The following ZNF407 variants were observed in gnomAD, a reference collection of about 807,000 sequenced individuals.
ZNF407 encodes the protein zinc finger protein 407.
In ZNF407, 17 loss-of-function variants were observed where a neutral mutation model predicts 131.2. That is an observed-to-expected ratio of 0.13 (90% CI 0.09 to 0.19). The LOEUF (loss-of-function observed/expected upper bound fraction) is 0.19, where lower values mean the gene tolerates loss of function less well. ZNF407 is among the 10% of genes least tolerant of loss of function. ZNF407 has a pLI of 1.00. For synonymous variants in ZNF407, 1,156 were observed against 1,062.0 expected, an observed-to-expected ratio of 1.09 and a Z score of -1.72; for missense variants, 2,681 against 2,830.6, an observed-to-expected ratio of 0.95 and a Z score of 1.20.
intron 4 of ZNF407, among the ~76,000 whole-genome samples, chr18:74,839,601 A>G (rs934606206): frequency 2.6e-5 from 4 of 152,160 alleles, no homozygotes; most frequent in African/African-American, 9.7e-5. Flanking sequence ...AAACACCTGG[A>G]TTTGTGTTTG....
At chr18:75,055,494 A>T (rs551581031) in intron 8 of ZNF407, among the ~76,000 whole-genome samples, 1 of 152,242 alleles carries the variant, frequency 6.6e-6, no homozygotes, top group Non-Finnish European at 1.5e-5. Flanking sequence ...CACCTCTATT[A>T]CTGTTAGATC....
chr18:74,632,644 A>C lies in ZNF407; in HGVS notation c.1625A>C (p.Asp542Ala). The change falls in exon 2 of 9, where the codon GAT becomes GCT. Residue 542 changes from aspartate to alanine, a missense_variant. Physicochemically the swap from Asp to Ala is moderately radical, Grantham distance 126. This residue lies in a region of ZNF407 where 1,789 missense variants were observed against 1,748.7 expected (regional missense o/e 1.02). Transcript: ENST00000299687. Reference sequence around the variant, plus strand: ...GGGCAAGTAGCTACAAATAGGACAGATTTGGAAATCCATGTGAAAAGGTGC... The same window carrying C: ...GGGCAAGTAGCTACAAATAGGACAGCTTTGGAAATCCATGTGAAAAGGTGC... ...DCGQVATNRT[D>A]LEIHVKRCHA... 6.2e-7 allele frequency: 1 copy of C among 1,614,042 alleles called. No homozygotes were observed. Among genetic ancestry groups the C allele is most frequent in the Non-Finnish European group, 8.5e-7 (1 of 1,179,892 alleles).
intron 3 of ZNF407, among the ~76,000 whole-genome samples, chr18:74,705,744 G>A (rs377472772): frequency 1.3e-5 from 2 of 151,962 alleles, no homozygotes; most frequent in East Asian, 3.9e-4. Flanking sequence ...AACAAATACT[G>A]GACATTTTTG....
chr18:74,767,867 C>T (rs972102616), intron 3 of ZNF407, among the ~76,000 whole-genome samples: 5 of 146,078 alleles, frequency 3.4e-5, no homozygotes, highest in African/African-American at 1.0e-4. Flanking sequence ...GGGGTTTCAC[C>T]GTGTTTGCCA....
chr18:74,956,504 G>T (rs983596141), intron 8 of ZNF407, among the ~76,000 whole-genome samples: 14 of 152,066 alleles, frequency 9.2e-5, no homozygotes, highest in African/African-American at 2.7e-4. Flanking sequence ...TTTCTCCAAT[G>T]TCATGAGCTC....
At chr18:74,656,164 AT>A (rs1341136167) in intron 3 of ZNF407, among the ~76,000 whole-genome samples, 2 of 152,150 alleles carry the variant, frequency 1.3e-5, no homozygotes. Context: ...TTACTCACAC[AT>A]TTGTTAAAGG....
In ZNF407 at chr18:74,635,516, G is replaced by T. The variant is rs1304798224; in HGVS notation, c.4497G>T (p.Gln1499His). The change falls in exon 2 of 9, where the codon CAG (glutamine) becomes CAT (histidine). Residue 1499 changes from glutamine (Q) to histidine (H), a missense_variant. Gln to His is a conservative substitution (Grantham distance 24, BLOSUM62 0). Transcript: ENST00000299687. The surrounding 1 kb of genome is among the most constrained non-coding windows in gnomAD (Gnocchi z 4.7). Reference protein sequence around the residue: ...VKCTEPFDSEQNLFLHIKGQH... With the variant: ...VKCTEPFDSEHNLFLHIKGQH... ...GCACAGAGCCCTTTGATTCTGAACA[G>T]AATTTATTTTTACATATTAAAGGAC... is the stretch of plus-strand genomic sequence containing the variant. 1.2e-6 allele frequency: 2 copies of T among 1,612,386 alleles called. No individual in the cohort carries two copies. The highest frequency in any genetic ancestry group is 1.3e-5 in the African/African-American group (1 of 74,900).
intron 8 of ZNF407, among the ~76,000 whole-genome samples, chr18:75,044,391 G>A (rs1973409182): frequency 6.6e-6 from 1 of 151,396 alleles, no homozygotes. Flanking sequence ...ATGGAATAAG[G>A]TCTTTAGAAC....
Position 74,632,301 on chromosome 18 carries a change from C to A in ZNF407, c.1282C>A (p.Arg428Ser). ...TATTCTCGTGTTGGGTAATAGCTTT[C>A]GTCGACGAAGCAGCACTTTCACCTT... ...RNILVLGNSF[R>S]RRSSTFTLKG... Residue 428 changes from arginine (R) to serine (S), a missense_variant, in exon 2 of 9, where the codon CGT (arginine) becomes AGT (serine). Physicochemically the swap from Arg to Ser is moderately radical, Grantham distance 110. Coordinates refer to ENST00000299687, the MANE Select transcript of ZNF407 (RefSeq NM_017757.3). The A allele has an allele frequency of 3.1e-6, 5 of 1,613,938 alleles. No individual in the cohort carries two copies. The highest frequency in any genetic ancestry group is 4.2e-6 in the Non-Finnish European group (5 of 1,179,902).
chr18:74,907,279 TCTC>T (rs1971609189), intron 7 of ZNF407, among the ~76,000 whole-genome samples: 1 of 152,174 alleles, frequency 6.6e-6, no homozygotes, highest in Admixed American at 6.5e-5. Flanking sequence ...CTGTCGCTCC[TCTC>T]CTCAGTTTAT....
chr18:74,806,770 C>A (rs1411938133), intron 4 of ZNF407, among the ~76,000 whole-genome samples: 1 of 152,190 alleles, frequency 6.6e-6, no homozygotes, highest in Admixed American at 6.5e-5. Context: ...AGGAATAATA[C>A]TCCCTTTAGA....
At chr18:74,642,057 G>A (rs933499982) in intron 3 of ZNF407, among the ~76,000 whole-genome samples, 5 of 151,706 alleles carry the variant, frequency 3.3e-5, no homozygotes, top group African/African-American at 7.3e-5. Context: ...CTGATTGATA[G>A]TACCATGTAA....
chr18:75,053,130 T>C (rs1368523547), intron 8 of ZNF407, among the ~76,000 whole-genome samples: 2 of 152,192 alleles, frequency 1.3e-5, no homozygotes, highest in African/African-American at 2.4e-5. Flanking sequence ...AAAAATCTAC[T>C]GTGGAAATTT....
rs1449596021 is a variant in ZNF407, at chr18:74,634,292, C to T, written c.3273C>T (p.Ser1091=). Residue 1091 remains serine (S), a synonymous_variant, in exon 2 of 9, where the codon TCC becomes TCT. Transcript: ENST00000299687. ...TAGAAGCTGGTTCTGCAGACATGTCCAAAAACATCATTATGCCTGAAGAAG... is the reference window on the plus strand; with the variant it reads ...TAGAAGCTGGTTCTGCAGACATGTCTAAAAACATCATTATGCCTGAAGAAG... The part of the protein sequence containing the change: ...ANVEAGSADM[S]KNIIMPEEEH... The T allele has an allele frequency of 1.2e-6, 2 of 1,613,952 alleles. No homozygotes were observed. Among genetic ancestry groups the T allele is most frequent in the South Asian group, 1.1e-5 (1 of 91,078 alleles).
intron 8 of ZNF407, among the ~76,000 whole-genome samples, chr18:74,999,819 C>T (rs1357563859): frequency 1.3e-5 from 2 of 152,126 alleles, no homozygotes; most frequent in Non-Finnish European, 2.9e-5. Flanking sequence ...CTTTATTTTG[C>T]AACTTTAATT....
chr18:74,938,223 A>G (rs930180980), intron 8 of ZNF407, among the ~76,000 whole-genome samples: 9 of 152,062 alleles, frequency 5.9e-5, no homozygotes, highest in Non-Finnish European at 1.0e-4. Flanking sequence ...GTCTTTCCAC[A>G]TATTAGGGTG....
intron 3 of ZNF407, among the ~76,000 whole-genome samples, chr18:74,661,838 T>C (rs1166963514): frequency 6.6e-6 from 1 of 152,218 alleles, no homozygotes; most frequent in Non-Finnish European, 1.5e-5. Flanking sequence ...TAAATTTGGC[T>C]GAGAGTGCTG....
intron 4 of ZNF407, among the ~76,000 whole-genome samples, chr18:74,794,988 T>C (rs749626345): frequency 6.6e-6 from 1 of 152,190 alleles, no homozygotes; most frequent in Non-Finnish European, 1.5e-5. Context: ...AAGAAAATGC[T>C]TGTTTTTAGT....
chr18:74,997,970 G>A (rs1972799100), intron 8 of ZNF407, among the ~76,000 whole-genome samples: 1 of 152,060 alleles, frequency 6.6e-6, no homozygotes. Context: ...ACCCTGTGTG[G>A]AGATCACTCT....
Sources: allele counts gnomAD v4.1 joint callset (sites outside exome capture counted in the v4.1 genomes callset), GRCh38; gene constraint gnomAD v4.1.1; regional missense constraint gnomAD v4.1.1; non-coding constraint Gnocchi (gnomAD v3.1); transcripts MANE v1.5; gene names NCBI Gene and HGNC (gene_info 2026-07-23, HGNC 2026-07-21).